The following DRICH1 variants were observed in gnomAD, a reference collection of about 807,000 sequenced individuals.
DRICH1 encodes aspartate rich 1, also known as aspartate-rich protein 1.
Under a neutral mutation model 39.5 loss-of-function variants are expected in DRICH1, and 38 were observed. That is an observed-to-expected ratio of 0.96 (90% CI 0.74 to 1.26). The LOEUF (loss-of-function observed/expected upper bound fraction) is 1.26, where lower values mean the gene tolerates loss of function less well. Ranked by LOEUF, DRICH1 falls within the 50% of genes most tolerant of loss-of-function variation. The pLI, the probability that DRICH1 is intolerant of heterozygous loss-of-function variation, is 0.00. For synonymous variants in DRICH1, 84 were observed against 99.5 expected (o/e 0.84, Z 0.93); for missense variants, 279 against 270.4 (o/e 1.03, Z -0.22).
At chr22:23,627,020 C>T (rs1014085470) in intron 1 of DRICH1, among the ~76,000 whole-genome samples, 1 of 151,418 alleles carries the variant, frequency 6.6e-6, no homozygotes, top group Admixed American at 6.6e-5. Context: ...ACTTCATTAA[C>T]ATAAGGCTGA....
In DRICH1 at chr22:23,617,574, C is replaced by T. The variant is rs773130423; in HGVS notation, c.519+1G>A. 3.1e-6 allele frequency: 5 copies of T among 1,613,480 alleles called. No individual in the cohort carries two copies. The Admixed American group carries it at 6.7e-5, about 22-fold the overall frequency. On this transcript the variant is annotated splice_donor_variant, in intron 7 of 11. Coordinates refer to ENST00000317749, the MANE Select transcript of DRICH1 (RefSeq NM_016449.4). LOFTEE classifies it high-confidence loss of function. ...TAGAAGACAAAGAAAGGTTGTCTTA[C>T]CTGGGCATCATCATCATCATCATCA...
At chr22:23,590,994 G>A in the DRICH1 span, among the ~76,000 whole-genome samples, 1 of 152,136 alleles carries the variant, frequency 6.6e-6, no homozygotes, top group Non-Finnish European at 1.5e-5. Context: ...AATGTGCCCT[G>A]CACTCGGAGC....
At chr22:23,617,309 T>A (rs1054294995) in intron 7 of DRICH1, among the ~76,000 whole-genome samples, 1 of 152,134 alleles carries the variant, frequency 6.6e-6, no homozygotes, top group Admixed American at 6.6e-5. Flanking sequence ...AGGGAAGAAA[T>A]CAGGTGAAGG....
intron 5 of DRICH1, among the ~76,000 whole-genome samples, chr22:23,619,895 T>G (rs1927614131): frequency 6.6e-6 from 1 of 152,022 alleles, no homozygotes; most frequent in Non-Finnish European, 1.5e-5. Flanking sequence ...GTTCATAAGG[T>G]GAGGATCCAT....
At chr22:23,626,261 C>T (rs1403406246) in intron 1 of DRICH1, among the ~76,000 whole-genome samples, 5 of 152,110 alleles carry the variant, frequency 3.3e-5, no homozygotes, top group African/African-American at 4.8e-5. Context: ...TCTTGCATTC[C>T]GAAGTCCCAG....
chr22:23,624,829 T>A (rs1927962126), intron 3 of DRICH1, 54 bp downstream of exon 3: 1 of 1,579,050 alleles, frequency 6.3e-7, no homozygotes, highest in Non-Finnish European at 8.7e-7. Context: ...GGTTTCTATA[T>A]ATTAAAGCTA....
chr22:23,593,985 A>AAAAAAAG, the DRICH1 span, among the ~76,000 whole-genome samples: 4 of 151,760 alleles, frequency 2.6e-5, no homozygotes, highest in African/African-American at 9.7e-5. Context: ...CTCAAAAAAA[A>AAAAAAAG]AAAAAGAAAA....
chr22:23,597,408 T>C, the DRICH1 span, among the ~76,000 whole-genome samples: 67,188 of 126,768 alleles, frequency 0.53, 18,221 homozygotes, highest in East Asian at 0.8. Flanking sequence ...GAAGCTAAGG[T>C]CAGTGCATCT....
Position 23,608,762 on chromosome 22 carries a change from C to T in DRICH1, c.*2G>A. ...CACCCTGGTCAGCTCCACAGAAGGG[C>T]TTCACCCTGGATGAAGAGATAATCC... On this transcript the variant is annotated 3_prime_UTR_variant, in exon 12 of 12. Coordinates refer to ENST00000317749, the MANE Select transcript of DRICH1 (RefSeq NM_016449.4). 4 of 1,560,356 alleles carry T rather than the reference C, an allele frequency of 2.6e-6. No individual in the cohort carries two copies. The highest frequency in any genetic ancestry group is 3.5e-6 in the Non-Finnish European group (4 of 1,150,800).
At chr22:23,617,505 G>A in intron 7 of DRICH1, 70 bp downstream of exon 7, 1 of 1,542,986 alleles carries the variant, frequency 6.5e-7, no homozygotes, top group Non-Finnish European at 9.0e-7. Context: ...CTTTGGGATT[G>A]GATTGGTGAG....
intron 8 of DRICH1, 135 bp from the exon 9 acceptor site, chr22:23,614,349 T>C (rs980756139): frequency 1.7e-5 from 11 of 663,442 alleles, no homozygotes; most frequent in African/African-American, 5.5e-5. Context: ...GCTATTCCCC[T>C]GAGTGGAAGA....
chr22:23,588,767 G>A, the DRICH1 span, among the ~76,000 whole-genome samples: 1 of 152,118 alleles, frequency 6.6e-6, no homozygotes, highest in Non-Finnish European at 1.5e-5. Context: ...CTTCCTTTCT[G>A]CCACCCGGGT....
At chr22:23,620,237 A>C (rs1463980886) in intron 5 of DRICH1, among the ~76,000 whole-genome samples, 1 of 152,090 alleles carries the variant, frequency 6.6e-6, no homozygotes, top group African/African-American at 2.4e-5. Context: ...GTTCCTGGAA[A>C]TGCTGTTTTA....
chr22:23,604,119 C>A (rs1926609607), downstream of DRICH1, among the ~76,000 whole-genome samples: 4 of 152,140 alleles, frequency 2.6e-5, no homozygotes, highest in African/African-American at 9.7e-5. Context: ...CACACCCCTG[C>A]CCACCCATCC....
chr22:23,627,490 C>T (rs1480671430), intron 1 of DRICH1, among the ~76,000 whole-genome samples: 1 of 152,152 alleles, frequency 6.6e-6, no homozygotes, highest in Admixed American at 6.5e-5. Context: ...GACTCCCCTC[C>T]CCTGGTGTTT....
intron 4 of DRICH1, among the ~76,000 whole-genome samples, chr22:23,620,967 GA>G (rs1569092890): frequency 6.6e-6 from 1 of 152,036 alleles, no homozygotes; most frequent in Non-Finnish European, 1.5e-5. Context: ...TCATGTATTC[GA>G]TGAAAAGAAA....
At chr22:23,596,275 C>T in the DRICH1 span, among the ~76,000 whole-genome samples, 1 of 152,142 alleles carries the variant, frequency 6.6e-6, no homozygotes, top group African/African-American at 2.4e-5. Flanking sequence ...TTCCTCTTCC[C>T]CTTCCCCTTT....
chr22:23,601,146 G>GCGCGCACACACACACA, the DRICH1 span, among the ~76,000 whole-genome samples: 1 of 146,142 alleles, frequency 6.8e-6, no homozygotes, highest in African/African-American at 2.5e-5. Context: ...ACGCACGCGC[G>GCGCGCACACACACACA]CACACACACA....
chr22:23,611,919 C>T (rs1927058820), intron 11 of DRICH1, among the ~76,000 whole-genome samples: 1 of 152,076 alleles, frequency 6.6e-6, no homozygotes, highest in Admixed American at 6.5e-5. Flanking sequence ...ACAGACTAAC[C>T]ACAGTGATGG....
Sources: gnomAD v4.1 joint callset for allele counts (sites outside exome capture counted in the v4.1 genomes callset) on GRCh38, gnomAD v4.1.1 for gene constraint, MANE v1.5 for transcripts, NCBI Gene and HGNC (gene_info 2026-07-23, HGNC 2026-07-21) for gene names.